Variants in ALDH6A1 observed in about 807,000 individuals in gnomAD.
ALDH6A1 encodes methylmalonate-semialdehyde/malonate-semialdehyde dehydrogenase [acylating], mitochondrial.
ALDH6A1 carries 43 observed loss-of-function variants against 62.6 expected under a neutral mutation model. The observed-to-expected ratio is 0.69, with a 90% CI of 0.54 to 0.89. The LOEUF is 0.89. Ranked by LOEUF, ALDH6A1 falls within the 40% of genes least tolerant of loss-of-function variation. ALDH6A1 has a pLI of 0.00. For missense variants in ALDH6A1, 551 were observed against 661.3 expected, an observed-to-expected ratio of 0.83 and a Z score of 1.83; for synonymous variants, 194 against 234.2, an observed-to-expected ratio of 0.83 and a Z score of 1.57.
At position 74,068,919 on chromosome 14, in the gene ALDH6A1, C is replaced by T. The variant is rs761873647; in HGVS notation, c.793G>A (p.Ala265Thr). ...KAISFVGSNK[A>T]GEYIFERGSR... Reference sequence around the variant, plus strand: ...CCTCTCTCGAAGATATACTCTCCTGCCTTGTTGGATCCCACAAAGCTGATT... The same window carrying T: ...CCTCTCTCGAAGATATACTCTCCTGTCTTGTTGGATCCCACAAAGCTGATT... Residue 265 changes from alanine (A) to threonine (T), a missense_variant, in exon 7 of 12, where the codon GCA (alanine) becomes ACA (threonine). Coordinates refer to ENST00000553458, the MANE Select transcript of ALDH6A1 (RefSeq NM_005589.4). 1.2e-6 allele frequency: 2 copies of T among 1,614,006 alleles called. No individual in the cohort carries two copies. Among genetic ancestry groups the T allele is most frequent in the Admixed American group, 3.3e-5 (2 of 59,998 alleles).
At chr14:74,084,209 G>T in intron 1 of ALDH6A1, 138 bp downstream of exon 1, 2 of 1,305,484 alleles carry the variant, frequency 1.5e-6, no homozygotes, top group Non-Finnish European at 2.2e-6. Flanking sequence ...CATGGGACAG[G>T]GCCGCACAGG....
intron 1 of ALDH6A1, among the ~76,000 whole-genome samples, chr14:74,083,060 G>A (rs995980226): frequency 2.6e-5 from 4 of 152,088 alleles, no homozygotes; most frequent in African/African-American, 7.2e-5. Flanking sequence ...AACAAGGATC[G>A]CAGCAAGAAA....
chr14:74,060,562 T>G lies in ALDH6A1; in HGVS notation c.*80A>C. On this transcript the variant is annotated 3_prime_UTR_variant, in exon 12 of 12. Coordinates refer to ENST00000553458, the MANE Select transcript of ALDH6A1 (RefSeq NM_005589.4). ...GTATTCCAATCCCATCGATCTGATCTGAGCAAAGCTGACAAATGAAGCTGG... is the reference window on the plus strand; with the variant it reads ...GTATTCCAATCCCATCGATCTGATCGGAGCAAAGCTGACAAATGAAGCTGG... 1 of 1,053,156 alleles carries G rather than the reference T, an allele frequency of 9.5e-7. No individual in the cohort carries two copies. The highest frequency in any genetic ancestry group is 1.5e-6 in the Non-Finnish European group (1 of 668,908). The allele number at this position is 1,053,156 out of a possible 1,614,324, so 65.2% of individuals were successfully genotyped here.
At chr14:74,062,215 G>A (rs572054612) in intron 11 of ALDH6A1, among the ~76,000 whole-genome samples, 35 of 151,932 alleles carry the variant, frequency 2.3e-4, no homozygotes, top group African/African-American at 8.4e-4. Context: ...TAAATAAATG[G>A]AGAGGGTGGG....
intron 4 of ALDH6A1, 102 bp downstream of exon 4, chr14:74,072,101 G>A: frequency 1.9e-6 from 3 of 1,580,228 alleles, no homozygotes; most frequent in Non-Finnish European, 2.6e-6. Flanking sequence ...CAACGTCTCT[G>A]CATACTGCAG....
chr14:74,070,498 G>A (rs897828892), intron 6 of ALDH6A1, among the ~76,000 whole-genome samples: 1 of 152,114 alleles, frequency 6.6e-6, no homozygotes, highest in African/African-American at 2.4e-5. Context: ...CAGTCTGGGC[G>A]ACAGAGGGAG....
intron 9 of ALDH6A1, 144 bp from the exon 10 acceptor site, chr14:74,065,504 T>A: frequency 2.5e-6 from 2 of 815,308 alleles, no homozygotes; most frequent in African/African-American, 1.7e-5. Flanking sequence ...AATCACCTAT[T>A]TAAAAAAAAA....
chr14:74,084,030 G>A (rs2060696759), intron 1 of ALDH6A1, among the ~76,000 whole-genome samples: 1 of 152,148 alleles, frequency 6.6e-6, no homozygotes. Flanking sequence ...GACGGTGGGC[G>A]GATGGAGAGA....
At chr14:74,078,093 G>A (rs4903178) in intron 1 of ALDH6A1, 102,132 of 423,052 alleles carry the variant, frequency 0.24, 14,884 homozygotes, top group South Asian at 0.45. Flanking sequence ...AACACTTATT[G>A]TTTATTTTCA....
At chr14:74,084,052 G>A (rs1271755398) in intron 1 of ALDH6A1, among the ~76,000 whole-genome samples, 1 of 152,214 alleles carries the variant, frequency 6.6e-6, no homozygotes, top group East Asian at 1.9e-4. Context: ...GAGGGCAAGA[G>A]AGTGACAGCA....
chr14:74,071,138 C>CA, intron 6 of ALDH6A1, 57 bp downstream of exon 6: 1 of 1,512,288 alleles, frequency 6.6e-7, no homozygotes, highest in South Asian at 1.1e-5. Context: ...AACCATCACT[C>CA]AACACCTTGA....
At chr14:74,080,691 C>T (rs2060660918) in intron 1 of ALDH6A1, among the ~76,000 whole-genome samples, 1 of 152,188 alleles carries the variant, frequency 6.6e-6, no homozygotes, top group Non-Finnish European at 1.5e-5. Context: ...GATCCTCCTG[C>T]CTGGGCCACC....
intron 2 of ALDH6A1, among the ~76,000 whole-genome samples, chr14:74,073,542 C>G (rs1045422530): frequency 6.6e-6 from 1 of 152,176 alleles, no homozygotes; most frequent in Non-Finnish European, 1.5e-5. Flanking sequence ...AAAGCAGCAA[C>G]TCTGTTAATA....
At chr14:74,069,195 C>T (rs1739076839) in intron 6 of ALDH6A1, 2 of 438,570 alleles carry the variant, frequency 4.6e-6, no homozygotes, top group South Asian at 4.2e-5. Flanking sequence ...ACCTCCGCCT[C>T]CCAGGTTCAA....
In ALDH6A1 at chr14:74,057,584, C is replaced by T. The variant is rs1343588856; in HGVS notation, c.*3058G>A. 13 of 1,329,324 alleles carry T rather than the reference C, an allele frequency of 9.8e-6. No homozygotes were observed. The highest frequency in any genetic ancestry group is 1.3e-5 in the Non-Finnish European group (13 of 1,024,546). The allele number at this position is 1,329,324 out of a possible 1,614,324, so 82.3% of individuals were successfully genotyped here. ...CCTTGTGACTCTTAGCTTTCCATCA[C>T]AGGTGGGAAGTCAGAGTCATTACAA... On this transcript the variant is annotated 3_prime_UTR_variant, in exon 12 of 12. Transcript: ENST00000553458.
chr14:74,078,424 G>A lies in ALDH6A1; in HGVS notation c.49-3407C>T, dbSNP rs1487571947. 18 of 314,374 alleles carry A rather than the reference G, an allele frequency of 5.7e-5. No homozygotes were observed. In the East Asian group the frequency reaches 1.4e-3, roughly 25 times the overall value. 19.5% of individuals were successfully genotyped at this position (314,374 alleles called of 1,614,324 possible). On this transcript the variant is annotated intron_variant, in intron 1 of 11. Transcript: ENST00000553458. ...GCTGGAATGCAGTGGCATGATCATA[G>A]CTCACTGCAGCCTCCATCTCCTGGG...
intron 2 of ALDH6A1, 65 bp from the exon 3 acceptor site, chr14:74,072,676 T>A: frequency 6.4e-7 from 1 of 1,558,138 alleles, no homozygotes. Context: ...CTAATTGCTT[T>A]GCTTTTCCCT....
intron 1 of ALDH6A1, chr14:74,081,074 C>T (rs928118823): frequency 6.6e-6 from 1 of 152,272 alleles, no homozygotes; most frequent in Admixed American, 6.5e-5. Context: ...TAGGTCCCCA[C>T]TCAGCCATCA....
intron 10 of ALDH6A1, 80 bp downstream of exon 10, chr14:74,065,101 A>G: frequency 6.5e-7 from 1 of 1,548,056 alleles, no homozygotes; most frequent in Non-Finnish European, 8.9e-7. Context: ...TCTTAAACCA[A>G]TGACTCACCA....
Sources: allele counts gnomAD v4.1 joint callset (sites outside exome capture counted in the v4.1 genomes callset), GRCh38; gene constraint gnomAD v4.1.1; transcripts MANE v1.5; gene names NCBI Gene and HGNC (gene_info 2026-07-23, HGNC 2026-07-21).